The following AK5 variants were observed in gnomAD, a reference collection of about 807,000 sequenced individuals.
AK5 encodes the protein adenylate kinase isoenzyme 5.
Under a neutral mutation model 69.5 loss-of-function variants are expected in AK5, and 27 were observed. That is an observed-to-expected ratio of 0.39 (90% CI 0.29 to 0.54). The LOEUF (loss-of-function observed/expected upper bound fraction) is 0.54. Ranked by LOEUF, AK5 falls within the 20% of genes least tolerant of loss-of-function variation. AK5 has a pLI of 0.71. For synonymous variants in AK5, 260 were observed against 244.4 expected, an observed-to-expected ratio of 1.06 and a Z score of -0.60; for missense variants, 531 against 700.4, an observed-to-expected ratio of 0.76 and a Z score of 2.73.
At chr1:77,511,039 G>T (rs910247365) in intron 10 of AK5, among the ~76,000 whole-genome samples, 1 of 147,984 alleles carries the variant, frequency 6.8e-6, no homozygotes. Flanking sequence ...TATATTTTAC[G>T]GGGCCAAAGC....
intron 6 of AK5, among the ~76,000 whole-genome samples, chr1:77,345,823 C>G (rs1447151234): frequency 1.3e-5 from 2 of 152,202 alleles, no homozygotes; most frequent in East Asian, 3.8e-4. Context: ...GCACAGTTGA[C>G]CCTTGAATAA....
chr1:77,376,071 G>T (rs1473870525), intron 6 of AK5, among the ~76,000 whole-genome samples: 1 of 152,136 alleles, frequency 6.6e-6, no homozygotes, highest in East Asian at 1.9e-4. Flanking sequence ...AGTTTCTTAT[G>T]CAAAATACAG....
At chr1:77,449,818 G>A (rs907015566) in intron 8 of AK5, among the ~76,000 whole-genome samples, 34 of 152,062 alleles carry the variant, frequency 2.2e-4, no homozygotes, top group African/African-American at 6.3e-4. Context: ...ATTAACATTC[G>A]GCTCCTCATT....
chr1:77,306,877 A>G (rs1159914290), intron 5 of AK5, among the ~76,000 whole-genome samples: 1 of 152,150 alleles, frequency 6.6e-6, no homozygotes, highest in Non-Finnish European at 1.5e-5. Context: ...TTATTGGCGT[A>G]TAGCTGCTCA....
chr1:77,368,320 AAT>A (rs1382485141), intron 6 of AK5, among the ~76,000 whole-genome samples: 13 of 121,968 alleles, frequency 1.1e-4, no homozygotes, highest in South Asian at 2.4e-4. Context: ...TGTTATATAT[AAT>A]ATATATGTTA....
rs572739796 is a variant in AK5, at chr1:77,350,930, A to G, written c.891+10362A>G. On this transcript the variant is annotated intron_variant, in intron 6 of 13. Coordinates refer to ENST00000354567, the MANE Select transcript of AK5 (RefSeq NM_174858.3). ...TTTCTTTCCACTAATAACTGTTTCA[A>G]AATAGTTCATTAAGTAAGTTAATGA... 2.6e-5 allele frequency among the ~76,000 whole-genome samples: 4 copies of G among 152,352 alleles called. No homozygotes were observed. The South Asian group carries it at 8.3e-4, about 32-fold the overall frequency.
At chr1:77,334,355 CTT>C (rs1389511942) in intron 5 of AK5, among the ~76,000 whole-genome samples, 1 of 152,036 alleles carries the variant, frequency 6.6e-6, no homozygotes, top group Non-Finnish European at 1.5e-5. Context: ...TCTCTCATTT[CTT>C]TTTTGGCTGC....
chr1:77,444,089 A>G (rs564155714), intron 8 of AK5, among the ~76,000 whole-genome samples: 216 of 149,074 alleles, frequency 1.4e-3, no homozygotes, highest in African/African-American at 5.2e-3. Flanking sequence ...ACCTATAGCT[A>G]CCCATTTCCT....
intron 8 of AK5, among the ~76,000 whole-genome samples, chr1:77,455,205 T>C (rs1007076976): frequency 6.6e-6 from 1 of 152,232 alleles, no homozygotes; most frequent in Non-Finnish European, 1.5e-5. Flanking sequence ...TCTCCCTGAC[T>C]TCAAAACTGC....
chr1:77,322,262 TGG>T (rs66838057), intron 5 of AK5, among the ~76,000 whole-genome samples: 50,636 of 151,828 alleles, frequency 0.33, 8,468 homozygotes, highest in Admixed American at 0.37. Flanking sequence ...TTGTAGTCCT[TGG>T]TTCTTTTTTT....
chr1:77,302,375 A>G lies in AK5; in HGVS notation c.699+4428A>G, dbSNP rs111270850. Among the ~76,000 whole-genome samples, 950 of 152,294 alleles carry G rather than the reference A, an allele frequency of 6.2e-3. 10 individuals are homozygous for G. The highest frequency in any genetic ancestry group is 0.021 in the African/African-American group (883 of 41,546). ...AAGTCCTTTTCCAGAGATAGTTATT[A>G]AGCTGCTTTCTTTTTTATCTTCCCG... is the stretch of plus-strand genomic sequence containing the variant. On this transcript the variant is annotated intron_variant, in intron 5 of 13. Coordinates refer to ENST00000354567, the MANE Select transcript of AK5 (RefSeq NM_174858.3).
At chr1:77,337,959 C>CTTTTTCTTT (rs1557507757) in intron 5 of AK5, among the ~76,000 whole-genome samples, 2 of 112,038 alleles carry the variant, frequency 1.8e-5, no homozygotes. Flanking sequence ...ACAATGTTTT[C>CTTTTTCTTT]TTTTTATTTT....
chr1:77,489,883 G>A (rs777627743), intron 10 of AK5, among the ~76,000 whole-genome samples: 2 of 151,980 alleles, frequency 1.3e-5, no homozygotes, highest in Admixed American at 6.6e-5. Context: ...CCTTATTATC[G>A]CTTGAGCTTG....
chr1:77,340,847 A>T (rs1198704387), intron 6 of AK5: 1 of 302,142 alleles, frequency 3.3e-6, no homozygotes, highest in Non-Finnish European at 6.2e-6. Context: ...AAGTGTTTTA[A>T]AGTAACTGTC....
chr1:77,324,275 A>G (rs1660674744), intron 5 of AK5, among the ~76,000 whole-genome samples: 1 of 143,746 alleles, frequency 7.0e-6, no homozygotes, highest in South Asian at 2.4e-4. Context: ...TAAAAATTCA[A>G]TTAATTAAGT....
chr1:77,282,093 G>T lies in AK5; in HGVS notation c.-221G>T. 1 of 413,088 alleles carries T rather than the reference G, an allele frequency of 2.4e-6. No individual in the cohort carries two copies. The highest frequency in any genetic ancestry group is 4.3e-6 in the Non-Finnish European group (1 of 233,088). 25.6% of individuals were successfully genotyped at this position (413,088 alleles called of 1,614,324 possible). On this transcript the variant is annotated 5_prime_UTR_variant, in exon 1 of 14. Coordinates refer to ENST00000354567, the MANE Select transcript of AK5 (RefSeq NM_174858.3). ...CGCCTGCAGCTCCGGCTCGGGGGCT[G>T]GAACCGAAGCGGGGGCGGCGGGAGC...
chr1:77,467,971 C>T (rs1654244256), intron 8 of AK5, among the ~76,000 whole-genome samples: 1 of 152,212 alleles, frequency 6.6e-6, no homozygotes, highest in East Asian at 1.9e-4. Context: ...TTAGGAGTCA[C>T]TGAAGGCTGA....
intron 5 of AK5, among the ~76,000 whole-genome samples, chr1:77,322,989 C>A (rs1660611691): frequency 6.8e-6 from 1 of 147,126 alleles, no homozygotes; most frequent in African/African-American, 2.5e-5. Context: ...TTTTTCTTTT[C>A]TTTTTTTTTT....
chr1:77,416,270 C>T (rs1650421354), intron 7 of AK5, among the ~76,000 whole-genome samples: 2 of 152,148 alleles, frequency 1.3e-5, no homozygotes, highest in African/African-American at 4.8e-5. Flanking sequence ...CTTCTAATCT[C>T]TGTTAATAGT....
Sources: allele counts gnomAD v4.1 joint callset (sites outside exome capture counted in the v4.1 genomes callset), GRCh38; gene constraint gnomAD v4.1.1; transcripts MANE v1.5; gene names NCBI Gene and HGNC (gene_info 2026-07-23, HGNC 2026-07-21).